The following L3MBTL4 variants were observed in gnomAD, a reference collection of about 807,000 sequenced individuals.
L3MBTL4 encodes the protein L3MBTL histone methyl-lysine binding protein 4.
L3MBTL4 carries 70 observed loss-of-function variants against 84.5 expected under a neutral mutation model. The observed-to-expected ratio is 0.83, with a 90% confidence interval of 0.68 to 1.01. The LOEUF is 1.01. Ranked by LOEUF, L3MBTL4 falls within the 50% of genes least tolerant of loss-of-function variation. L3MBTL4 has a pLI of 0.00. For synonymous variants in L3MBTL4, 274 were observed against 259.8 expected (o/e 1.05, Z -0.52); for missense variants, 715 against 754.8 (o/e 0.95, Z 0.62).
At chr18:6,061,730 G>A (rs2057228162) in intron 16 of L3MBTL4, among the ~76,000 whole-genome samples, 1 of 151,610 alleles carries the variant, frequency 6.6e-6, no homozygotes, top group Non-Finnish European at 1.5e-5. Flanking sequence ...TTTTAATTGA[G>A]CACTTTATAC....
chr18:5,998,922 C>T (rs2054097396), intron 16 of L3MBTL4, among the ~76,000 whole-genome samples: 1 of 152,182 alleles, frequency 6.6e-6, no homozygotes, highest in African/African-American at 2.4e-5. Context: ...GAATTTTTCT[C>T]TGCCATAAAT....
At chr18:6,088,826 G>T (rs1305919239) in intron 15 of L3MBTL4, among the ~76,000 whole-genome samples, 1 of 152,092 alleles carries the variant, frequency 6.6e-6, no homozygotes, top group Non-Finnish European at 1.5e-5. Flanking sequence ...GATCATTAAG[G>T]AACTATTCCA....
At chr18:6,081,143 C>G (rs1392149092) in intron 15 of L3MBTL4, 192 bp from the exon 16 acceptor site, 1 of 439,126 alleles carries the variant, frequency 2.3e-6, no homozygotes, top group African/African-American at 2.0e-5. Flanking sequence ...GAAACTCTGA[C>G]TTTGAACCCT....
chr18:6,265,140 T>C (rs111794522), intron 4 of L3MBTL4, among the ~76,000 whole-genome samples: 164 of 152,360 alleles, frequency 1.1e-3, no homozygotes, highest in African/African-American at 3.6e-3. Context: ...TTTTGGTAAA[T>C]GTGTAATAGA....
chr18:6,332,819 G>GT (rs2052110075), intron 1 of L3MBTL4, among the ~76,000 whole-genome samples: 1 of 152,260 alleles, frequency 6.6e-6, no homozygotes, highest in Non-Finnish European at 1.5e-5. Context: ...AGCCATTTCT[G>GT]TTTTTTGCAA....
chr18:6,190,187 T>C (rs1049145633), intron 12 of L3MBTL4, among the ~76,000 whole-genome samples: 1 of 152,196 alleles, frequency 6.6e-6, no homozygotes, highest in African/African-American at 2.4e-5. Context: ...TATGACCGCA[T>C]TCATAAGAAA....
At chr18:6,209,723 C>A (rs1340906106) in intron 12 of L3MBTL4, among the ~76,000 whole-genome samples, 1 of 152,020 alleles carries the variant, frequency 6.6e-6, no homozygotes, top group Non-Finnish European at 1.5e-5. Context: ...ATCAAAATAG[C>A]CCAAAATAAA....
At chr18:6,401,080 C>T (rs530449109) in intron 1 of L3MBTL4, among the ~76,000 whole-genome samples, 96 of 152,266 alleles carry the variant, frequency 6.3e-4, no homozygotes, top group Non-Finnish European at 1.0e-3. Context: ...CATAAAACCA[C>T]GTGCCCTACC....
chr18:6,138,166 G>A (rs1430785095), intron 14 of L3MBTL4, 28 bp downstream of exon 14: 7 of 1,477,450 alleles, frequency 4.7e-6, no homozygotes, highest in African/African-American at 1.4e-5. Flanking sequence ...ATTCATCCAG[G>A]AAATAACTTA....
At chr18:6,068,489 C>T (rs1019998909) in intron 16 of L3MBTL4, among the ~76,000 whole-genome samples, 22 of 152,250 alleles carry the variant, frequency 1.4e-4, no homozygotes, top group African/African-American at 4.8e-4. Flanking sequence ...CCTTCCTGTC[C>T]CAGTATTCCA....
chr18:6,411,939 A>T (rs919598586), intron 1 of L3MBTL4, among the ~76,000 whole-genome samples: 9 of 152,184 alleles, frequency 5.9e-5, no homozygotes, highest in African/African-American at 2.2e-4. Flanking sequence ...ATATTAATAC[A>T]TGATATAAGC....
chr18:6,133,345 AC>A (rs2059931925), intron 14 of L3MBTL4, among the ~76,000 whole-genome samples: 1 of 151,954 alleles, frequency 6.6e-6, no homozygotes, highest in African/African-American at 2.4e-5. Flanking sequence ...ACACACACAC[AC>A]ACACACACAC....
chr18:6,402,110 G>T (rs1381249540), intron 1 of L3MBTL4, among the ~76,000 whole-genome samples: 1 of 152,206 alleles, frequency 6.6e-6, no homozygotes, highest in East Asian at 1.9e-4. Context: ...GGCATAAAAT[G>T]TCTAAACAGG....
chr18:6,365,091 A>G (rs867761887), intron 1 of L3MBTL4, among the ~76,000 whole-genome samples: 8 of 152,330 alleles, frequency 5.3e-5, no homozygotes, highest in Middle Eastern at 3.5e-3. Context: ...TTGAATATTT[A>G]TATGTATAAT....
Position 6,211,650 on chromosome 18 carries a change from C to T in L3MBTL4, c.981+1499G>A, listed in dbSNP as rs1014165151. Among the ~76,000 whole-genome samples the T allele has an allele frequency of 3.5e-5, 5 of 142,458 alleles. No homozygotes were observed. The Admixed American group carries it at 3.5e-4, about 10-fold the overall frequency. The allele number at this position is 142,458 out of a possible 152,430, so 93.5% of individuals were successfully genotyped here. A position where few individuals can be genotyped will look rare whatever the true frequency, so the allele number is the denominator to read the frequency against. On this transcript the variant is annotated intron_variant, in intron 12 of 18. Coordinates refer to ENST00000317931, the MANE Select transcript of L3MBTL4 (RefSeq NM_001330559.2). ...CTGAGCTTATCTTAGAAATGAAATACTTTTTTTTTTTTTTTTGAGACAGAG... is the reference window on the plus strand; with the variant it reads ...CTGAGCTTATCTTAGAAATGAAATATTTTTTTTTTTTTTTTTGAGACAGAG...
intron 1 of L3MBTL4, among the ~76,000 whole-genome samples, chr18:6,345,232 AAAAAG>A (rs1366817085): frequency 6.3e-4 from 79 of 124,658 alleles, no homozygotes; most frequent in African/African-American, 3.0e-3. Flanking sequence ...AAAAAAAAAA[AAAAAG>A]AAAAAAAAAA....
At chr18:6,345,231 A>AAAG (rs2052824641) in intron 1 of L3MBTL4, among the ~76,000 whole-genome samples, 2 of 138,822 alleles carry the variant, frequency 1.4e-5, no homozygotes, top group African/African-American at 5.8e-5. Flanking sequence ...AAAAAAAAAA[A>AAAG]AAAAAGAAAA....
intron 14 of L3MBTL4, among the ~76,000 whole-genome samples, chr18:6,123,399 G>A (rs535911473): frequency 6.6e-6 from 1 of 152,248 alleles, no homozygotes; most frequent in African/African-American, 2.4e-5. Flanking sequence ...CCCAGTGGGA[G>A]GTAATTGAAT....
chr18:6,027,536 C>A (rs1843945210), intron 16 of L3MBTL4, among the ~76,000 whole-genome samples: 1 of 152,190 alleles, frequency 6.6e-6, no homozygotes, highest in South Asian at 2.1e-4. Context: ...ATTTATAATT[C>A]TTTGGGTGTA....
Sources: gnomAD v4.1 joint callset for allele counts (sites outside exome capture counted in the v4.1 genomes callset) on GRCh38, gnomAD v4.1.1 for gene constraint, MANE v1.5 for transcripts, NCBI Gene and HGNC (gene_info 2026-07-23, HGNC 2026-07-21) for gene names.